Variants in PLXNB2 observed in about 807,000 individuals in gnomAD.
PLXNB2 encodes the protein plexin B2.
A neutral mutation model predicts 202.6 loss-of-function variants in PLXNB2; 85 were observed. The observed-to-expected ratio is 0.42, with a 90% CI of 0.35 to 0.50. The LOEUF (loss-of-function observed/expected upper bound fraction) is 0.50, where lower values mean the gene tolerates loss of function less well. PLXNB2 is among the 20% of genes least tolerant of loss of function. The probability of loss-of-function intolerance (pLI) is 0.02; values close to 1 mark genes in which losing one functional copy is unlikely to be tolerated. For missense variants in PLXNB2, 2,063 were observed against 2,586.2 expected (o/e 0.80, Z 4.39); for synonymous variants, 1,239 against 1,137.6 (o/e 1.09, Z -1.79).
In PLXNB2 at chr22:50,289,075, A is replaced by G. The variant is rs2147517192; in HGVS notation, c.1136T>C (p.Leu379Pro). ...ACGCTGCAGCACGGCTGTGCCTCTG[A>G]GCCCGTCGCGGCTGCCCAGCGGGTA... ...LPYPLGSRDG[L>P]RGTAVLQRGG... Residue 379 changes from leucine to proline, a missense_variant, in exon 4 of 37, where the codon CTC (leucine) becomes CCC (proline). Physicochemically the swap from Leu to Pro is moderately conservative, Grantham distance 98. Around this residue, in one of 2 missense-constraint regions of PLXNB2, gnomAD observed 1,303 missense variants for 1,476.8 expected, o/e 0.88. Transcript: ENST00000359337. This position sits in a 1 kb window ranked among gnomAD's most constrained non-coding sequence, Gnocchi z 8.0. 6.2e-7 allele frequency: 1 copy of G among 1,602,064 alleles called. No homozygotes were observed. Among genetic ancestry groups the G allele is most frequent in the Non-Finnish European group, 8.5e-7 (1 of 1,174,232 alleles).
Position 50,289,467 on chromosome 22 carries a change from G to T in PLXNB2, c.1068+50C>A. 2 of 1,521,224 alleles carry T rather than the reference G, an allele frequency of 1.3e-6. No homozygotes were observed. Among genetic ancestry groups the T allele is most frequent in the South Asian group, 2.5e-5 (2 of 81,078 alleles). The allele number at this position is 1,521,224 out of a possible 1,614,324, so 94.2% of individuals were successfully genotyped here. ...AGCAGGCTGGGACACGCAAACCCAC[G>T]AACGGACGCCTGCAGTCCGGGCCCT... On this transcript the variant is annotated intron_variant, in intron 3 of 36. Transcript: ENST00000359337. The surrounding 1 kb of genome is among the most constrained non-coding windows in gnomAD (Gnocchi z 8.0).
Position 50,289,220 on chromosome 22 carries a change from G to T in PLXNB2, c.1069-78C>A. 1 of 1,303,048 alleles carries T rather than the reference G, an allele frequency of 7.7e-7. No homozygotes were observed. Among genetic ancestry groups the T allele is most frequent in the Non-Finnish European group, 1.0e-6 (1 of 969,338 alleles). The allele number at this position is 1,303,048 out of a possible 1,614,324, so 80.7% of individuals were successfully genotyped here. A position where few individuals can be genotyped will look rare whatever the true frequency, so the allele number is the denominator to read the frequency against. On this transcript the variant is annotated intron_variant, in intron 3 of 36. Coordinates refer to ENST00000359337, the MANE Select transcript of PLXNB2 (RefSeq NM_012401.4). This position sits in a 1 kb window ranked among gnomAD's most constrained non-coding sequence, Gnocchi z 8.0. ...TCTCCACTCGCGCTCCAAGACTCGG[G>T]ACAGGCCCTTCCCTTCCCTCCGGCA...
chr22:50,283,809 TAGGCC>T lies in PLXNB2; in HGVS notation c.2421+19_2421+23del, dbSNP rs1248823177. 6 of 1,611,352 alleles carry T rather than the reference TAGGCC, an allele frequency of 3.7e-6. No individual in the cohort carries two copies. Among genetic ancestry groups the T allele is most frequent in the Non-Finnish European group, 4.2e-6 (5 of 1,178,562 alleles). ...CTCATGCCAGGGACGAGGGAAGGTG[TAGGCC>T]AGGCTTCGAGGGGCTCACCCTGGTG... On this transcript the variant is annotated intron_variant, in intron 14 of 36. Transcript: ENST00000359337.
chr22:50,307,505 C>CA, intron 1 of PLXNB2, 48 bp downstream of exon 1: 2 of 936,574 alleles, frequency 2.1e-6, no homozygotes, highest in Non-Finnish European at 1.3e-6. Context: ...AAGCCCCCCC[C>CA]ACGCCCAGCG....
Position 50,280,734 on chromosome 22 carries a change from C to T in PLXNB2, c.3993+10G>A. 4 of 1,593,834 alleles carry T rather than the reference C, an allele frequency of 2.5e-6. No homozygotes were observed. The highest frequency in any genetic ancestry group is 3.4e-6 in the Non-Finnish European group (4 of 1,169,974). On this transcript the variant is annotated intron_variant, in intron 24 of 36. Coordinates refer to ENST00000359337, the MANE Select transcript of PLXNB2 (RefSeq NM_012401.4). The stretch of plus-strand genomic sequence containing the variant: ...TGTGTGCCCTCCCGCCCGCCCGACG[C>T]CTGGCTCACATTGATGAGGAAAGAC...
In PLXNB2 at chr22:50,285,872, G is replaced by A; in HGVS notation, c.2016C>T (p.Pro672=). ...MEDSCPQFLG[P]SPLVIPMNHE... is the part of the protein sequence containing the mutation. ...GGTTCATGGGGATCACCAGGGGGCT[G>A]GGTCCCAGGAACTGGGGACAGCTGT... is the stretch of plus-strand genomic sequence containing the variant. Residue 672 remains proline, a synonymous_variant, in exon 11 of 37, where the codon CCC becomes CCT. Coordinates refer to ENST00000359337, the MANE Select transcript of PLXNB2 (RefSeq NM_012401.4). 1 of 1,612,734 alleles carries A rather than the reference G, an allele frequency of 6.2e-7. No individual in the cohort carries two copies.
Position 50,282,061 on chromosome 22 carries a change from C to T in PLXNB2, c.3138G>A (p.Val1046=), listed in dbSNP as rs754139146. The T allele has an allele frequency of 7.4e-6, 12 of 1,611,986 alleles. No homozygotes were observed. Among genetic ancestry groups the T allele is most frequent in the Non-Finnish European group, 8.5e-7 (1 of 1,179,874 alleles). Residue 1046 remains valine, a synonymous_variant, in exon 20 of 37, where the codon GTG becomes GTA. Coordinates refer to ENST00000359337, the MANE Select transcript of PLXNB2 (RefSeq NM_012401.4). ...QPMTVVGTDY[V]FHNDTKVVFL... is the part of the protein sequence containing the mutation. ...AGACGACCTTGGTGTCATTGTGGAA[C>T]ACGTAGTCTGTACCCACCACCTGCA...
chr22:50,304,032 A>AC (rs1366776358), intron 1 of PLXNB2, among the ~76,000 whole-genome samples: 1 of 152,112 alleles, frequency 6.6e-6, no homozygotes, highest in Non-Finnish European at 1.5e-5. Flanking sequence ...CTTAGGGGCT[A>AC]CCCCCAGGGA....
chr22:50,307,358 G>A (rs2067926104), intron 1 of PLXNB2, among the ~76,000 whole-genome samples, 195 bp downstream of exon 1: 1 of 151,724 alleles, frequency 6.6e-6, no homozygotes, highest in Admixed American at 6.6e-5. Flanking sequence ...GGAAGGGAGT[G>A]GGGCGGCAGC....
intron 14 of PLXNB2, 26 bp from the exon 15 acceptor site, chr22:50,283,776 G>A: frequency 6.2e-7 from 1 of 1,613,024 alleles, no homozygotes. Context: ...CGGGTGAGCA[G>A]GGAGGGGCTC....
Position 50,286,153 on chromosome 22 carries a change from G to T in PLXNB2, c.1877+20C>A. 1 of 1,609,724 alleles carries T rather than the reference G, an allele frequency of 6.2e-7. No individual in the cohort carries two copies. Among genetic ancestry groups the T allele is most frequent in the Non-Finnish European group, 8.5e-7 (1 of 1,176,824 alleles). ...TGGGGTGGACGGGCAGGGTGGGGTC[G>T]ATGGGCACAAGACACTCACGGCAGG... On this transcript the variant is annotated intron_variant, in intron 9 of 36. Transcript: ENST00000359337.
chr22:50,283,095 G>A lies in PLXNB2; in HGVS notation c.2771C>T (p.Ser924Phe), dbSNP rs2066137692. 1 of 1,607,582 alleles carries A rather than the reference G, an allele frequency of 6.2e-7. No individual in the cohort carries two copies. Among genetic ancestry groups the A allele is most frequent in the African/African-American group, 1.3e-5 (1 of 74,968 alleles). Reference protein sequence around the residue: ...TIHGTHLDTGSQEDVRVTLNG... With the variant: ...TIHGTHLDTGFQEDVRVTLNG... ...GAGGGTCACCCGCACGTCCTCCTGG[G>A]AGCCCGTGTCCAGGTGGGTGCCGTG... The change falls in exon 17 of 37, where the codon TCC becomes TTC. Residue 924 changes from serine (S) to phenylalanine (F), a missense_variant. Physicochemically the swap from Ser to Phe is radical, Grantham distance 155. This residue lies in a region of PLXNB2 where 1,303 missense variants were observed against 1,476.8 expected (regional missense o/e 0.88). Transcript: ENST00000359337.
At chr22:50,283,580 C>A (rs752271561) in intron 15 of PLXNB2, 22 bp downstream of exon 15, 69 of 1,611,452 alleles carry the variant, frequency 4.3e-5, no homozygotes, top group Non-Finnish European at 5.8e-5. Flanking sequence ...TGACAGGGCC[C>A]AGACCAGGGC....
At chr22:50,301,356 C>G in intron 1 of PLXNB2, 3 of 982,086 alleles carry the variant, frequency 3.1e-6, no homozygotes, top group Non-Finnish European at 3.6e-6. Flanking sequence ...CCGATGTCTC[C>G]GTGCTTCCTG....
At position 50,287,668 on chromosome 22, in the gene PLXNB2, T is replaced by A; in HGVS notation, c.1607A>T (p.Glu536Val). Residue 536 changes from glutamate to valine, a missense_variant and splice_region_variant, in exon 7 of 37, where the codon GAG becomes GTG. By Grantham distance (121) the Glu-to-Val change is moderately radical. Transcript: ENST00000359337. ...CCCCACCCCAGACCCACCACGCACC[T>A]CCCCCTGGGCCCGCCGGCTCATGTT... ...PQNMSRRAQG[E>V]VQLTVSPLPA... 3.3e-6 allele frequency: 5 copies of A among 1,538,302 alleles called. No individual in the cohort carries two copies. Among genetic ancestry groups the A allele is most frequent in the Non-Finnish European group, 4.4e-6 (5 of 1,146,498 alleles).
In PLXNB2 at chr22:50,275,822, G is replaced by A. The variant is rs780128535; in HGVS notation, c.5413-14C>T. ...GGCATTGATGATCTGAGGGAGGGTC[G>A]CATCAGAGCACACCGGGGGACCGCC... On this transcript the variant is annotated splice_polypyrimidine_tract_variant and intron_variant, in intron 36 of 36. Transcript: ENST00000359337. The A allele has an allele frequency of 1.1e-5, 18 of 1,605,722 alleles. No homozygotes were observed. The highest frequency in any genetic ancestry group is 5.0e-5 in the Admixed American group (3 of 59,946).
At position 50,284,817 on chromosome 22, in the gene PLXNB2, C is replaced by A; in HGVS notation, c.2089-152G>T. Reference sequence around the variant, plus strand: ...CCCCTCAGATTACCATGCCAGCTGACCCCTCGGCCACTCCTGAGCCCAAAC... The same window carrying A: ...CCCCTCAGATTACCATGCCAGCTGAACCCTCGGCCACTCCTGAGCCCAAAC... On this transcript the variant is annotated intron_variant, in intron 11 of 36. Transcript: ENST00000359337. The surrounding 1 kb of genome is among the most constrained non-coding windows in gnomAD (Gnocchi z 8.0). 1 of 768,300 alleles carries A rather than the reference C, an allele frequency of 1.3e-6. No individual in the cohort carries two copies. Among genetic ancestry groups the A allele is most frequent in the Admixed American group, 1.7e-5 (1 of 57,402 alleles). The allele number at this position is 768,300 out of a possible 1,614,324, so 47.6% of individuals were successfully genotyped here. A position where few individuals can be genotyped will look rare whatever the true frequency, so the allele number is the denominator to read the frequency against.
At chr22:50,295,945 T>C (rs1472226965) in intron 1 of PLXNB2, among the ~76,000 whole-genome samples, 3 of 151,770 alleles carry the variant, frequency 2.0e-5, no homozygotes, top group African/African-American at 4.8e-5. Context: ...CTACTAAAAG[T>C]ACAAAAATTA....
Position 50,281,167 on chromosome 22 carries a change from G to T in PLXNB2, c.3685C>A (p.Arg1229=), listed in dbSNP as rs2065958611. The part of the protein sequence containing the change: ...CYWRKSQQAE[R]EYEKIKSQLE... The stretch of plus-strand genomic sequence containing the variant: ...TGGGACTTGATCTTCTCATACTCTC[G>T]TTCGGCCTGCTGGCTCTTCCTCCTG... The change falls in exon 23 of 37, where the codon CGA becomes AGA. Residue 1229 remains arginine, a synonymous_variant. Coordinates refer to ENST00000359337, the MANE Select transcript of PLXNB2 (RefSeq NM_012401.4). The T allele has an allele frequency of 1.2e-6, 2 of 1,612,708 alleles. No individual in the cohort carries two copies. The highest frequency in any genetic ancestry group is 1.3e-5 in the African/African-American group (1 of 74,906).
Sources: gnomAD v4.1 joint callset for allele counts (sites outside exome capture counted in the v4.1 genomes callset) on GRCh38, gnomAD v4.1.1 for gene constraint, gnomAD v4.1.1 regional missense constraint, Gnocchi (gnomAD v3.1) non-coding constraint, MANE v1.5 for transcripts, NCBI Gene and HGNC (gene_info 2026-07-23, HGNC 2026-07-21) for gene names.